UBE2O: variants seen among roughly 807,000 people sequenced by gnomAD.
The protein encoded by UBE2O is ubiquitin conjugating enzyme E2 O.
Under a neutral mutation model 125.8 loss-of-function variants are expected in UBE2O, and 15 were observed. The ratio of observed to expected loss-of-function variants is 0.12; its 90% CI spans 0.08 to 0.18. UBE2O has a LOEUF of 0.18. Among genes scored for constraint, UBE2O ranks in the 10% least tolerant of loss-of-function variants. The probability of loss-of-function intolerance (pLI) is 1.00; values close to 1 mark genes in which losing one functional copy is unlikely to be tolerated. For missense variants in UBE2O, 1,280 were observed against 1,723.6 expected, an observed-to-expected ratio of 0.74 and a Z score of 4.56; for synonymous variants, 708 against 703.2, an observed-to-expected ratio of 1.01 and a Z score of -0.11.
chr17:76,417,759 G>C (rs1269396005), intron 1 of UBE2O, among the ~76,000 whole-genome samples: 2 of 152,206 alleles, frequency 1.3e-5, no homozygotes, highest in African/African-American at 4.8e-5. Context: ...TGCAGGCCCA[G>C]GCGAGACAGG....
In UBE2O at chr17:76,397,865, A is replaced by G. The variant is rs1302537044; in HGVS notation, c.2049T>C (p.Arg683=). The change falls in exon 13 of 18, where the codon CGT becomes CGC. Residue 683 remains arginine, a synonymous_variant. Coordinates refer to ENST00000319380, the MANE Select transcript of UBE2O (RefSeq NM_022066.4). ...EDEPSVGQVA[R]VDVSSKVEVV... is the part of the protein sequence containing the mutation. The stretch of plus-strand genomic sequence containing the variant: ...CCTCCACCTTGCTGCTGACGTCCAC[A>G]CGGGCCACCTGGCCCACCGATGGCT... The G allele has an allele frequency of 1.2e-6, 2 of 1,614,086 alleles. No individual in the cohort carries two copies. The highest frequency in any genetic ancestry group is 2.2e-5 in the East Asian group (1 of 44,884).
Position 76,400,457 on chromosome 17 carries a change from G to T in UBE2O, c.988C>A (p.Gln330Lys). 1 of 1,612,012 alleles carries T rather than the reference G, an allele frequency of 6.2e-7. No homozygotes were observed. Among genetic ancestry groups the T allele is most frequent in the Non-Finnish European group, 8.5e-7 (1 of 1,179,112 alleles). The change falls in exon 7 of 18, where the codon CAG becomes AAG. Residue 330 changes from glutamine to lysine, a missense_variant. Physicochemically the swap from Gln to Lys is moderately conservative, Grantham distance 53. This residue lies in a region of UBE2O where 206 missense variants were observed against 315.7 expected (regional missense o/e 0.65). Coordinates refer to ENST00000319380, the MANE Select transcript of UBE2O (RefSeq NM_022066.4). This position sits in a 1 kb window ranked among gnomAD's most constrained non-coding sequence, Gnocchi z 4.3. ...CATGCTTACCTGCCTAGGTTTTCCT[G>T]GGTGATGACAGAGGGTGGGGGGCTG... ...SVSPPPSVIT[Q>K]ENLGRVKRLG... is the part of the protein sequence containing the mutation.
intron 1 of UBE2O, among the ~76,000 whole-genome samples, chr17:76,423,095 A>G (rs4789294): frequency 0.32 from 48,101 of 151,834 alleles, 8,981 homozygotes; most frequent in African/African-American, 0.51. Context: ...ACATCTGGCA[A>G]TGCAGGAAAC....
intron 1 of UBE2O, among the ~76,000 whole-genome samples, chr17:76,449,438 G>C (rs1451760719): frequency 6.6e-6 from 1 of 152,224 alleles, no homozygotes; most frequent in Non-Finnish European, 1.5e-5. Flanking sequence ...AGCTGGGTGT[G>C]ATGGCGCATG....
intron 1 of UBE2O, among the ~76,000 whole-genome samples, chr17:76,448,061 G>A (rs938849208): frequency 3.3e-5 from 5 of 152,184 alleles, no homozygotes; most frequent in Admixed American, 2.0e-4. Flanking sequence ...GTAGGTGACA[G>A]CCAGGAAGAG....
chr17:76,389,731 G>A lies in UBE2O; in HGVS notation c.*1212C>T, dbSNP rs2072069760. 1 of 152,158 alleles carries A rather than the reference G, an allele frequency of 6.6e-6. No homozygotes were observed. The highest frequency in any genetic ancestry group is 2.4e-5 in the African/African-American group (1 of 41,432). The allele number at this position is 152,158 out of a possible 1,614,324, so 9.4% of individuals were successfully genotyped here. A position where few individuals can be genotyped will look rare whatever the true frequency, so the allele number is the denominator to read the frequency against. ...CATCCTCCCGCAGCTCTGCTGGCTG[G>A]GCGGTCACAGCACAGCACAGGTGTG... On this transcript the variant is annotated 3_prime_UTR_variant, in exon 18 of 18. Coordinates refer to ENST00000319380, the MANE Select transcript of UBE2O (RefSeq NM_022066.4).
Position 76,398,646 on chromosome 17 carries a change from C to T in UBE2O, c.1784-62G>A, listed in dbSNP as rs1486239358. 7.1e-6 allele frequency: 11 copies of T among 1,557,702 alleles called. No individual in the cohort carries two copies. In the Admixed American group the frequency reaches 1.5e-4, roughly 22 times the overall value. On this transcript the variant is annotated intron_variant, in intron 10 of 17. Transcript: ENST00000319380. This position sits in a 1 kb window ranked among gnomAD's most constrained non-coding sequence, Gnocchi z 5.4. Reference sequence around the variant, plus strand: ...GATCCCGGCTAAGGAGCCCACATCTCAAGCCAGTGCAGAGTGCAGAACCCT... The same window carrying T: ...GATCCCGGCTAAGGAGCCCACATCTTAAGCCAGTGCAGAGTGCAGAACCCT...
Position 76,399,667 on chromosome 17 carries a change from A to C in UBE2O, c.1410T>G (p.Asp470Glu). Residue 470 changes from aspartate to glutamate, a missense_variant, in exon 9 of 18, where the codon GAT becomes GAG. Asp to Glu is a conservative substitution (Grantham distance 45). This residue lies in a region of UBE2O where 141 missense variants were observed against 141.3 expected (regional missense o/e 1.00). Transcript: ENST00000319380. This position sits in a 1 kb window ranked among gnomAD's most constrained non-coding sequence, Gnocchi z 6.9. ...CCTGCTCTGCCGAGTGCAGCCTGTC[A>C]TCTCTGCCTTCTTTTAGCAGGAATG... ...LPPFLLKEGR[D>E]DRLHSAEQDA... 6.2e-7 allele frequency: 1 copy of C among 1,614,000 alleles called. No homozygotes were observed. The highest frequency in any genetic ancestry group is 8.5e-7 in the Non-Finnish European group (1 of 1,179,986).
chr17:76,399,907 C>T lies in UBE2O; in HGVS notation c.1170G>A (p.Leu390=), dbSNP rs566692472. The T allele has an allele frequency of 7.5e-6, 12 of 1,604,520 alleles. No homozygotes were observed. In the South Asian group the frequency reaches 1.3e-4, roughly 18 times the overall value. The part of the protein sequence containing the change: ...GSMAKKVKRL[L]KKQVVRIMSC... ...ACATGATCCGCACAACCTGCTTCTT[C>T]AACAGGCGCTTCACCTGCAAGGGCG... is the stretch of plus-strand genomic sequence containing the variant. The change falls in exon 9 of 18, where the codon TTG becomes TTA. Residue 390 remains leucine (L), a synonymous_variant. Coordinates refer to ENST00000319380, the MANE Select transcript of UBE2O (RefSeq NM_022066.4). This position sits in a 1 kb window ranked among gnomAD's most constrained non-coding sequence, Gnocchi z 6.9.
rs557349184 is a variant in UBE2O, at chr17:76,402,100, G to A, written c.714C>T (p.Ala238=). 1.9e-6 allele frequency: 3 copies of A among 1,613,724 alleles called. No individual in the cohort carries two copies. Among genetic ancestry groups the A allele is most frequent in the Admixed American group, 3.3e-5 (2 of 60,014 alleles). Reference sequence around the variant, plus strand: ...CGTGCGGGCAGACGTCGTAGAGCTTGGCGCCATCTTCCGTGTTCATGGAGC... The same window carrying A: ...CGTGCGGGCAGACGTCGTAGAGCTTAGCGCCATCTTCCGTGTTCATGGAGC... ...ARCSMNTEDG[A]KLYDVCPHVS... Residue 238 remains alanine (A), a synonymous_variant, in exon 5 of 18, where the codon GCC becomes GCT. Coordinates refer to ENST00000319380, the MANE Select transcript of UBE2O (RefSeq NM_022066.4). The surrounding 1 kb of genome is among the most constrained non-coding windows in gnomAD (Gnocchi z 5.4).
In UBE2O at chr17:76,391,463, G is replaced by A. The variant is rs1184851934; in HGVS notation, c.3359C>T (p.Pro1120Leu). The change falls in exon 18 of 18, where the codon CCC becomes CTC. Residue 1120 changes from proline to leucine, a missense_variant. By Grantham distance (98) the Pro-to-Leu change is moderately conservative. This residue lies in a region of UBE2O where 233 missense variants were observed against 279.0 expected (regional missense o/e 0.84). Transcript: ENST00000319380. The surrounding 1 kb of genome is among the most constrained non-coding windows in gnomAD (Gnocchi z 8.4). Reference sequence around the variant, plus strand: ...CCTGATCTCCTGCTCAAAGACCTCGGGGGGCCGCCGCACCAGCTGGGTCAT... The same window carrying A: ...CCTGATCTCCTGCTCAAAGACCTCGAGGGGCCGCCGCACCAGCTGGGTCAT... ...QSMTQLVRRPPEVFEQEIRQH... is the reference protein window; with the variant it reads ...QSMTQLVRRPLEVFEQEIRQH... The A allele has an allele frequency of 6.2e-7, 1 of 1,613,898 alleles. No individual in the cohort carries two copies. The highest frequency in any genetic ancestry group is 8.5e-7 in the Non-Finnish European group (1 of 1,180,034).
In UBE2O at chr17:76,402,777, A is replaced by G; in HGVS notation, c.589-78T>C. ...CAGGGCACAGATTCCTCTATGCCCCACCGAAGACAGGATGGGGGAGGATCT... is the reference window on the plus strand; with the variant it reads ...CAGGGCACAGATTCCTCTATGCCCCGCCGAAGACAGGATGGGGGAGGATCT... On this transcript the variant is annotated intron_variant, in intron 3 of 17. Transcript: ENST00000319380. The surrounding 1 kb of genome is among the most constrained non-coding windows in gnomAD (Gnocchi z 5.4). 2.4e-6 allele frequency: 3 copies of G among 1,224,778 alleles called. No individual in the cohort carries two copies. The highest frequency in any genetic ancestry group is 2.4e-5 in the South Asian group (2 of 82,772). The allele number at this position is 1,224,778 out of a possible 1,614,324, so 75.9% of individuals were successfully genotyped here. A position where few individuals can be genotyped will look rare whatever the true frequency, so the allele number is the denominator to read the frequency against.
chr17:76,445,918 C>T (rs2073143118), intron 1 of UBE2O, among the ~76,000 whole-genome samples: 1 of 152,194 alleles, frequency 6.6e-6, no homozygotes, highest in South Asian at 2.1e-4. Flanking sequence ...TGTGGATGGG[C>T]AGCATTTAGA....
At chr17:76,422,465 C>T (rs1292681214) in intron 1 of UBE2O, among the ~76,000 whole-genome samples, 7 of 152,206 alleles carry the variant, frequency 4.6e-5, no homozygotes, top group Admixed American at 4.6e-4. Flanking sequence ...GTTGTTCCCT[C>T]GCCCATTCAG....
intron 1 of UBE2O, among the ~76,000 whole-genome samples, chr17:76,421,074 A>G (rs2072702820): frequency 6.6e-6 from 1 of 152,158 alleles, no homozygotes; most frequent in Non-Finnish European, 1.5e-5. Flanking sequence ...ATGGATGGGA[A>G]AGTGAACAGG....
At chr17:76,450,748 A>C (rs1278699306) in intron 1 of UBE2O, among the ~76,000 whole-genome samples, 1 of 151,996 alleles carries the variant, frequency 6.6e-6, no homozygotes, top group Non-Finnish European at 1.5e-5. Flanking sequence ...CAGCCTCCCG[A>C]GTAGCTCAGG....
chr17:76,442,179 G>A (rs1373490433), intron 1 of UBE2O, among the ~76,000 whole-genome samples: 3 of 152,202 alleles, frequency 2.0e-5, no homozygotes, highest in Non-Finnish European at 2.9e-5. Context: ...CACAATGCAC[G>A]TAGTCTGCCT....
chr17:76,446,216 A>T (rs528726825), intron 1 of UBE2O, among the ~76,000 whole-genome samples: 4 of 152,348 alleles, frequency 2.6e-5, no homozygotes, highest in Admixed American at 2.0e-4. Context: ...GAAAACCCAC[A>T]TGTCACAGAA....
At position 76,399,389 on chromosome 17, in the gene UBE2O, C is replaced by A; in HGVS notation, c.1628+60G>T. 6.6e-7 allele frequency: 1 copy of A among 1,513,088 alleles called. No homozygotes were observed. Among genetic ancestry groups the A allele is most frequent in the Non-Finnish European group, 9.1e-7 (1 of 1,099,744 alleles). The allele number at this position is 1,513,088 out of a possible 1,614,324, so 93.7% of individuals were successfully genotyped here. A position where few individuals can be genotyped will look rare whatever the true frequency, so the allele number is the denominator to read the frequency against. ...AGCGCAGGCACGCACACCGAGGGGA[C>A]GCGCACTCTGCCTGGCTTCACGCTG... On this transcript the variant is annotated intron_variant, in intron 9 of 17. Coordinates refer to ENST00000319380, the MANE Select transcript of UBE2O (RefSeq NM_022066.4). The surrounding 1 kb of genome is among the most constrained non-coding windows in gnomAD (Gnocchi z 6.9).
Sources: gnomAD v4.1 joint callset for allele counts (sites outside exome capture counted in the v4.1 genomes callset) on GRCh38, gnomAD v4.1.1 for gene constraint, gnomAD v4.1.1 regional missense constraint, Gnocchi (gnomAD v3.1) non-coding constraint, MANE v1.5 for transcripts, NCBI Gene and HGNC (gene_info 2026-07-23, HGNC 2026-07-21) for gene names.